NAV2: variants seen among roughly 807,000 people sequenced by gnomAD.
NAV2 encodes neuron navigator 2.
A neutral mutation model predicts 223.2 loss-of-function variants in NAV2; 54 were observed. The ratio of observed to expected loss-of-function variants is 0.24; its 90% confidence interval spans 0.19 to 0.30. NAV2 has a LOEUF of 0.30. Ranked by LOEUF, NAV2 falls within the 10% of genes least tolerant of loss-of-function variation. The pLI, the probability that NAV2 is intolerant of heterozygous loss-of-function variation, is 1.00. For synonymous variants in NAV2, 1,279 were observed against 1,239.3 expected, an observed-to-expected ratio of 1.03 and a Z score of -0.67; for missense variants, 2,806 against 3,147.5, an observed-to-expected ratio of 0.89 and a Z score of 2.60.
intron 1 of NAV2, among the ~76,000 whole-genome samples, chr11:19,385,249 C>A (rs1208505669): frequency 6.6e-6 from 1 of 152,090 alleles, no homozygotes; most frequent in Non-Finnish European, 1.5e-5. Context: ...AGTTTAAATT[C>A]TGGTTTATGT....
chr11:19,686,972 C>CAA (rs1565167926), intron 1 of NAV2, among the ~76,000 whole-genome samples: 88 of 151,908 alleles, frequency 5.8e-4, no homozygotes, highest in African/African-American at 1.9e-3. Flanking sequence ...GAGGAAACTG[C>CAA]AGATTAGAAA....
At chr11:19,639,280 A>C (rs1590752086) in intron 1 of NAV2, among the ~76,000 whole-genome samples, 1 of 152,138 alleles carries the variant, frequency 6.6e-6, no homozygotes, top group African/African-American at 2.4e-5. Context: ...CAGATTCACT[A>C]CTTTGAGGAG....
intron 1 of NAV2, among the ~76,000 whole-genome samples, chr11:19,374,827 C>T (rs1405550508): frequency 6.6e-6 from 1 of 152,202 alleles, no homozygotes. Flanking sequence ...TTGTATTACT[C>T]AATGCCTCTC....
At chr11:19,825,113 G>A (rs538279713) in intron 1 of NAV2, among the ~76,000 whole-genome samples, 147 of 151,880 alleles carry the variant, frequency 9.7e-4, no homozygotes, top group Non-Finnish European at 1.7e-3. Context: ...CCAACATGGT[G>A]AAACCCCATC....
intron 10 of NAV2, among the ~76,000 whole-genome samples, chr11:19,979,603 G>C (rs1005740030): frequency 6.6e-5 from 10 of 152,190 alleles, no homozygotes; most frequent in African/African-American, 2.2e-4. Flanking sequence ...TGTTCTCAAA[G>C]CCAGTCATGC....
chr11:19,424,640 C>T (rs775536600), intron 1 of NAV2, among the ~76,000 whole-genome samples: 1 of 152,146 alleles, frequency 6.6e-6, no homozygotes, highest in Non-Finnish European at 1.5e-5. Context: ...CCTCCACCTC[C>T]TGGGTTCAAG....
At chr11:19,492,757 T>A (rs1041401655) in intron 1 of NAV2, among the ~76,000 whole-genome samples, 15 of 152,212 alleles carry the variant, frequency 9.9e-5, no homozygotes, top group African/African-American at 3.4e-4. Flanking sequence ...CAGGATTTTA[T>A]CCAAAGGCTA....
chr11:19,944,646 TCTTTC>T (rs2046706087), intron 8 of NAV2, among the ~76,000 whole-genome samples: 2 of 38,840 alleles, frequency 5.1e-5, no homozygotes, highest in Non-Finnish European at 7.8e-5. Flanking sequence ...TTTTCTCTTT[TCTTTC>T]CTTTCCTTTT....
chr11:19,893,307 T>C (rs960131048), intron 6 of NAV2, among the ~76,000 whole-genome samples: 6 of 152,172 alleles, frequency 3.9e-5, no homozygotes, highest in Non-Finnish European at 7.4e-5. Context: ...TCAAAGATTA[T>C]TCAAAAAGAG....
intron 1 of NAV2, among the ~76,000 whole-genome samples, chr11:19,394,404 T>G (rs1849369053): frequency 6.6e-6 from 1 of 152,234 alleles, no homozygotes; most frequent in South Asian, 2.1e-4. Context: ...ATTTGTTTCT[T>G]TAGCCAATAT....
At chr11:19,978,459 G>A (rs576594836) in intron 10 of NAV2, among the ~76,000 whole-genome samples, 4 of 152,102 alleles carry the variant, frequency 2.6e-5, no homozygotes, top group South Asian at 2.1e-4. Context: ...TGATATATAC[G>A]TCCAGATATT....
At chr11:19,717,546 C>T (rs929351921) in intron 1 of NAV2, among the ~76,000 whole-genome samples, 14 of 152,156 alleles carry the variant, frequency 9.2e-5, no homozygotes, top group African/African-American at 2.9e-4. Context: ...GCAGTGGTAC[C>T]GAGCAGTTGA....
chr11:20,048,815 C>A lies in NAV2; in HGVS notation c.3990C>A (p.Ala1330=). The A allele has an allele frequency of 2.5e-6, 4 of 1,614,160 alleles. No homozygotes were observed. The highest frequency in any genetic ancestry group is 3.4e-6 in the Non-Finnish European group (4 of 1,180,026). The change falls in exon 15 of 38, where the codon GCC becomes GCA. Residue 1330 remains alanine (A), a synonymous_variant. Transcript: ENST00000349880. ...CGGTGGTCATCTCCAATCCTCATGCCACCATGACTCAGCAAGGTAACCTAG... is the reference window on the plus strand; with the variant it reads ...CGGTGGTCATCTCCAATCCTCATGCAACCATGACTCAGCAAGGTAACCTAG... ...KNSVVISNPH[A]TMTQQGNLDS... is the part of the protein sequence containing the mutation.
intron 1 of NAV2, among the ~76,000 whole-genome samples, chr11:19,440,196 T>C (rs1851351242): frequency 6.6e-6 from 1 of 152,166 alleles, no homozygotes; most frequent in South Asian, 2.1e-4. Context: ...GAAGCTACTG[T>C]CTAGTGGGGA....
Position 19,600,714 on chromosome 11 carries a change from T to C in NAV2, c.76-231770T>C, listed in dbSNP as rs57098641. Reference sequence around the variant, plus strand: ...CAATAGTAACTACTTTGTAGTATTGTTTTTGAAGATCAAATAAGTTAATAC... The same window carrying C: ...CAATAGTAACTACTTTGTAGTATTGCTTTTGAAGATCAAATAAGTTAATAC... On this transcript the variant is annotated intron_variant, in intron 1 of 37. Transcript: ENST00000360655. Among the ~76,000 whole-genome samples, 632 of 152,328 alleles carry C rather than the reference T, an allele frequency of 4.1e-3. 2 individuals carry two copies. Among genetic ancestry groups the C allele is most frequent in the African/African-American group, 0.014 (601 of 41,588 alleles).
intron 1 of NAV2, among the ~76,000 whole-genome samples, chr11:19,823,466 C>T (rs1362136003): frequency 2.0e-5 from 3 of 152,164 alleles, no homozygotes; most frequent in African/African-American, 7.2e-5. Flanking sequence ...CCTTGGCCTC[C>T]CAAAGTGTTG....
At chr11:19,894,859 T>C (rs1019054637) in intron 6 of NAV2, among the ~76,000 whole-genome samples, 2 of 152,128 alleles carry the variant, frequency 1.3e-5, no homozygotes, top group African/African-American at 4.8e-5. Context: ...GCCTCCCTAG[T>C]AGCTGGGATT....
intron 1 of NAV2, among the ~76,000 whole-genome samples, chr11:19,741,899 T>G (rs1408206092): frequency 2.6e-5 from 4 of 152,072 alleles, no homozygotes; most frequent in African/African-American, 9.7e-5. Context: ...CATACGGCAT[T>G]TCCACTTTTA....
At chr11:19,624,552 G>C (rs1250830915) in intron 1 of NAV2, among the ~76,000 whole-genome samples, 1 of 152,234 alleles carries the variant, frequency 6.6e-6, no homozygotes. Context: ...GACCCTCTGA[G>C]CCAGGAGTGG....
Sources: gnomAD v4.1 joint callset for allele counts (sites outside exome capture counted in the v4.1 genomes callset) on GRCh38, gnomAD v4.1.1 for gene constraint, MANE v1.5 for transcripts, NCBI Gene and HGNC (gene_info 2026-07-23, HGNC 2026-07-21) for gene names.